Variants in RSU1 observed in about 807,000 individuals in gnomAD.
The protein encoded by RSU1 is Ras suppressor protein 1.
Under a neutral mutation model 31.1 loss-of-function variants are expected in RSU1, and 26 were observed. The observed-to-expected ratio is 0.84, with a 90% CI of 0.61 to 1.16. The LOEUF (loss-of-function observed/expected upper bound fraction) is 1.16, where lower values mean the gene tolerates loss of function less well. Ranked by LOEUF, RSU1 falls within the 50% of genes most tolerant of loss-of-function variation. The pLI is 0.00. For missense variants in RSU1, 320 were observed against 339.1 expected (o/e 0.94, Z 0.44); for synonymous variants, 164 against 136.3 (o/e 1.20, Z -1.41).
At chr10:16,601,335 T>C (rs1833711524) in intron 8 of RSU1, among the ~76,000 whole-genome samples, 1 of 152,212 alleles carries the variant, frequency 6.6e-6, no homozygotes, top group Non-Finnish European at 1.5e-5. Flanking sequence ...TCCTCTACAG[T>C]AGAAGTTCTT....
intron 3 of RSU1, among the ~76,000 whole-genome samples, chr10:16,769,410 C>T (rs1837378355): frequency 1.3e-5 from 2 of 152,250 alleles, no homozygotes; most frequent in South Asian, 4.1e-4. Flanking sequence ...AAGAGCTTGA[C>T]AGCCACATGT....
chr10:16,787,371 G>T (rs961176128), intron 2 of RSU1, among the ~76,000 whole-genome samples: 1 of 151,902 alleles, frequency 6.6e-6, no homozygotes, highest in African/African-American at 2.4e-5. Flanking sequence ...TCCATGCCAG[G>T]CCACCTCCAC....
intron 8 of RSU1, among the ~76,000 whole-genome samples, chr10:16,684,139 T>C (rs60100004): frequency 0.021 from 3,154 of 152,338 alleles, 95 homozygotes; most frequent in African/African-American, 0.067. Context: ...GATCTAGCTA[T>C]GCTAGCAGAG....
At chr10:16,711,282 TGA>T (rs951427356) in intron 7 of RSU1, among the ~76,000 whole-genome samples, 2 of 152,206 alleles carry the variant, frequency 1.3e-5, no homozygotes, top group South Asian at 2.1e-4. Flanking sequence ...TGATTTTACT[TGA>T]GTCTTGTTTT....
At chr10:16,739,736 C>T (rs920112667) in intron 7 of RSU1, among the ~76,000 whole-genome samples, 3 of 151,912 alleles carry the variant, frequency 2.0e-5, no homozygotes, top group Non-Finnish European at 2.9e-5. Flanking sequence ...CTCAGCCTCC[C>T]GAGTAGCTGG....
chr10:16,633,354 AG>A (rs1174435140), intron 8 of RSU1, among the ~76,000 whole-genome samples: 6 of 152,282 alleles, frequency 3.9e-5, no homozygotes, highest in African/African-American at 1.4e-4. Flanking sequence ...AGCACAGCTT[AG>A]GGTATGATGG....
intron 8 of RSU1, among the ~76,000 whole-genome samples, chr10:16,598,286 C>T (rs1455986402): frequency 6.6e-6 from 1 of 152,120 alleles, no homozygotes; most frequent in African/African-American, 2.4e-5. Context: ...CATCTGTAAT[C>T]CCAGCACTTC....
intron 8 of RSU1, among the ~76,000 whole-genome samples, chr10:16,652,294 A>G (rs1834698356): frequency 1.3e-5 from 2 of 151,416 alleles, no homozygotes; most frequent in Non-Finnish European, 1.5e-5. Flanking sequence ...CTCTTCAAGA[A>G]GCATGTCATC....
At chr10:16,603,530 T>C (rs1230343571) in intron 8 of RSU1, among the ~76,000 whole-genome samples, 1 of 152,222 alleles carries the variant, frequency 6.6e-6, no homozygotes, top group Non-Finnish European at 1.5e-5. Context: ...TCAGGAGGTA[T>C]GTTCCCTGGG....
At chr10:16,715,008 C>T (rs1490005234) in intron 7 of RSU1, among the ~76,000 whole-genome samples, 1 of 152,188 alleles carries the variant, frequency 6.6e-6, no homozygotes, top group Non-Finnish European at 1.5e-5. Context: ...TCCCCATAAA[C>T]AGCACCCCAT....
At chr10:16,815,248 T>C (rs1409044628) in intron 2 of RSU1, among the ~76,000 whole-genome samples, 1 of 152,248 alleles carries the variant, frequency 6.6e-6, no homozygotes, top group Non-Finnish European at 1.5e-5. Context: ...AGAGGCTAAC[T>C]AGTACACAAC....
At chr10:16,630,548 G>C (rs1478946882) in intron 8 of RSU1, among the ~76,000 whole-genome samples, 1 of 152,120 alleles carries the variant, frequency 6.6e-6, no homozygotes, top group Non-Finnish European at 1.5e-5. Context: ...CTCATTAATG[G>C]AACTGTTGAT....
chr10:16,685,929 C>T (rs1486247826), intron 8 of RSU1, among the ~76,000 whole-genome samples: 1 of 152,100 alleles, frequency 6.6e-6, no homozygotes, highest in African/African-American at 2.4e-5. Flanking sequence ...TATGCAAACA[C>T]AGTAGAACAA....
At chr10:16,600,108 T>C (rs1259572735) in intron 8 of RSU1, among the ~76,000 whole-genome samples, 6 of 152,198 alleles carry the variant, frequency 3.9e-5, no homozygotes, top group Non-Finnish European at 1.5e-5. Context: ...TCAGTTGCTC[T>C]TGAGAGTCTG....
At position 16,752,984 on chromosome 10, in the gene RSU1, G is replaced by A. The variant is rs773729448; in HGVS notation, c.417C>T (p.Leu139=). ...NFFYLTTLRA[L]YLSDNDFEIL... is the part of the protein sequence containing the mutation. ...TTTCAAAATCGTTGTCACTTAGATAGAGTGCACGCAGGGTGGCTGCAAATT... is the reference window on the plus strand; with the variant it reads ...TTTCAAAATCGTTGTCACTTAGATAAAGTGCACGCAGGGTGGCTGCAAATT... Residue 139 remains leucine, a synonymous_variant, in exon 6 of 9, where the codon CTC becomes CTT. Coordinates refer to ENST00000345264, the MANE Select transcript of RSU1 (RefSeq NM_012425.4). The A allele has an allele frequency of 4.3e-6, 7 of 1,613,788 alleles. No individual in the cohort carries two copies. The East Asian group carries it at 1.6e-4, about 36-fold the overall frequency.
At chr10:16,812,526 T>A (rs1838430418) in intron 2 of RSU1, among the ~76,000 whole-genome samples, 1 of 152,142 alleles carries the variant, frequency 6.6e-6, no homozygotes, top group African/African-American at 2.4e-5. Flanking sequence ...AGCTCTTTAA[T>A]CTATCCCCCA....
intron 3 of RSU1, among the ~76,000 whole-genome samples, chr10:16,778,207 G>A (rs111941067): frequency 6.6e-6 from 1 of 151,780 alleles, no homozygotes; most frequent in Non-Finnish European, 1.5e-5. Context: ...ATGTTGCCCA[G>A]GCTGAAGGTC....
intron 7 of RSU1, among the ~76,000 whole-genome samples, chr10:16,697,647 G>C (rs10904793): frequency 6.7e-6 from 1 of 149,582 alleles, no homozygotes; most frequent in East Asian, 2.0e-4. Flanking sequence ...CTGGGTAACA[G>C]AGCAAGACTG....
At chr10:16,611,628 C>T (rs1331550336) in intron 8 of RSU1, among the ~76,000 whole-genome samples, 2 of 152,220 alleles carry the variant, frequency 1.3e-5, no homozygotes, top group Non-Finnish European at 2.9e-5. Context: ...CTGCTTCTAA[C>T]TCCCATGTAC....
Sources: gnomAD v4.1 joint callset for allele counts (sites outside exome capture counted in the v4.1 genomes callset) on GRCh38, gnomAD v4.1.1 for gene constraint, MANE v1.5 for transcripts, NCBI Gene and HGNC (gene_info 2026-07-23, HGNC 2026-07-21) for gene names.